The following PCDHA1 variants were observed in gnomAD, a reference collection of about 807,000 sequenced individuals.
The protein encoded by PCDHA1 is protocadherin alpha-1.
A neutral mutation model predicts 61.3 loss-of-function variants in PCDHA1; 42 were observed. The ratio of observed to expected loss-of-function variants is 0.69; its 90% CI spans 0.54 to 0.89. The LOEUF is 0.89. PCDHA1 is among the 40% of genes least tolerant of loss of function. The probability of loss-of-function intolerance (pLI) is 0.00; values close to 1 mark genes in which losing one functional copy is unlikely to be tolerated. For missense variants in PCDHA1, 1,256 were observed against 1,235.3 expected, an observed-to-expected ratio of 1.02 and a Z score of -0.25; for synonymous variants, 610 against 553.8, an observed-to-expected ratio of 1.10 and a Z score of -1.43.
At chr5:140,796,253 G>A in intron 1 of PCDHA1, 1 of 1,614,158 alleles carries the variant, frequency 6.2e-7, no homozygotes, top group South Asian at 1.1e-5. Flanking sequence ...GCACGGGACG[G>A]GGGCTCGCCT....
At chr5:140,917,863 G>A (rs182359679) in intron 1 of PCDHA1, among the ~76,000 whole-genome samples, 1 of 151,750 alleles carries the variant, frequency 6.6e-6, no homozygotes, top group East Asian at 1.9e-4. Context: ...GGATTGCTTT[G>A]ACTATTTGGG....
intron 1 of PCDHA1, chr5:140,871,576 G>A (rs1554165757): frequency 4.1e-6 from 6 of 1,475,680 alleles, no homozygotes; most frequent in Non-Finnish European, 5.4e-6. Flanking sequence ...GATTTTTTAA[G>A]GGAAAGTTTT....
chr5:140,833,215 A>G (rs1317399429), intron 1 of PCDHA1, among the ~76,000 whole-genome samples: 1 of 152,200 alleles, frequency 6.6e-6, no homozygotes, highest in Non-Finnish European at 1.5e-5. Context: ...ATAGGAATGG[A>G]CAGGTTACAC....
chr5:140,930,197 C>G (rs1417032734), intron 1 of PCDHA1: 1 of 152,080 alleles, frequency 6.6e-6, no homozygotes, highest in African/African-American at 2.4e-5. Flanking sequence ...ATTTTTATGT[C>G]AGAAATATTT....
rs1768065709 is a variant in PCDHA1, at chr5:140,824,260, AATTC to A, written c.2394+35579_2394+35582del. 3.0e-6 allele frequency: 4 copies of A among 1,322,828 alleles called. No individual in the cohort carries two copies. The African/African-American group carries it at 4.4e-5, about 14-fold the overall frequency. The allele number at this position is 1,322,828 out of a possible 1,614,324, so 81.9% of individuals were successfully genotyped here. On this transcript the variant is annotated intron_variant, in intron 1 of 3. Coordinates refer to ENST00000504120, the MANE Select transcript of PCDHA1 (RefSeq NM_018900.4). The stretch of plus-strand genomic sequence containing the variant: ...TATTGTGGTACACAATTATTGCACT[AATTC>A]ATGTATTATATGCTTTTTATGAGGC...
chr5:140,834,254 G>C, intron 1 of PCDHA1: 2 of 927,248 alleles, frequency 2.2e-6, no homozygotes, highest in Non-Finnish European at 3.3e-6. Context: ...CTGGAAAGAC[G>C]CTCCACTCTC....
intron 1 of PCDHA1, chr5:140,869,639 C>T: frequency 6.2e-7 from 1 of 1,613,534 alleles, no homozygotes; most frequent in Non-Finnish European, 8.5e-7. Context: ...GAGTATTTTT[C>T]TTTAGATTCA....
chr5:140,842,130 A>G (rs2150330073), intron 1 of PCDHA1: 80 of 1,613,774 alleles, frequency 5.0e-5, no homozygotes, highest in Non-Finnish European at 6.6e-5. Context: ...TCTGATCCGG[A>G]TGAAGGAGCC....
At chr5:140,884,247 C>G (rs1554181368) in intron 1 of PCDHA1, 5 of 1,613,398 alleles carry the variant, frequency 3.1e-6, no homozygotes, top group Non-Finnish European at 4.2e-6. Flanking sequence ...CCCGCGCTGA[C>G]GGCCACGGCA....
intron 1 of PCDHA1, among the ~76,000 whole-genome samples, chr5:140,832,359 G>A (rs2150201276): frequency 9.9e-5 from 15 of 152,276 alleles, no homozygotes; most frequent in African/African-American, 3.4e-4. Context: ...TTCCTAATGT[G>A]AGCATTTTCC....
chr5:140,848,973 G>A, intron 1 of PCDHA1: 1 of 1,600,934 alleles, frequency 6.2e-7, no homozygotes, highest in South Asian at 1.1e-5. Context: ...CGCGTCCGAT[G>A]CAGATATCGG....
chr5:140,802,031 G>T, intron 1 of PCDHA1: 2 of 1,614,154 alleles, frequency 1.2e-6, no homozygotes, highest in Non-Finnish European at 1.7e-6. Context: ...AGGATATCGC[G>T]TATTCTTTCA....
At position 141,010,334 on chromosome 5, in the gene PCDHA1, T is replaced by C; in HGVS notation, c.*397T>C. On this transcript the variant is annotated 3_prime_UTR_variant, in exon 4 of 4. Transcript: ENST00000504120. The stretch of plus-strand genomic sequence containing the variant: ...TGAGATTGAGCAGCTTGGGAGTTTG[T>C]GGCCACTGGGTATGTGTGGCTACCG... The C allele has an allele frequency of 2.0e-6, 3 of 1,537,004 alleles. No homozygotes were observed. The East Asian group carries it at 7.4e-5, about 38-fold the overall frequency.
chr5:140,870,657 G>A (rs782619046), intron 1 of PCDHA1: 1 of 1,612,514 alleles, frequency 6.2e-7, no homozygotes, highest in East Asian at 2.2e-5. Context: ...AGGTGTACGC[G>A]CTGCAGCCGT....
intron 1 of PCDHA1, among the ~76,000 whole-genome samples, chr5:140,881,751 A>G (rs974973794): frequency 6.6e-6 from 1 of 152,206 alleles, no homozygotes; most frequent in Non-Finnish European, 1.5e-5. Flanking sequence ...GGACAGTACC[A>G]CAAAAACCTA....
chr5:140,808,363 C>A (rs1562215791), intron 1 of PCDHA1: 1 of 1,614,218 alleles, frequency 6.2e-7, no homozygotes, highest in Non-Finnish European at 8.5e-7. Flanking sequence ...TGACGTCCCA[C>A]GTCCCCTTCA....
At chr5:140,869,811 C>T (rs1554163508) in intron 1 of PCDHA1, 10 of 1,612,246 alleles carry the variant, frequency 6.2e-6, no homozygotes, top group African/African-American at 2.7e-5. Context: ...TGGATGTCAA[C>T]GACAATGATC....
intron 1 of PCDHA1, chr5:140,816,567 T>G (rs1765950610): frequency 6.6e-6 from 1 of 151,966 alleles, no homozygotes; most frequent in African/African-American, 2.4e-5. Flanking sequence ...ATGTTTCCTG[T>G]TTTCTCATAT....
At chr5:140,899,508 T>C (rs1389762615) in intron 1 of PCDHA1, among the ~76,000 whole-genome samples, 4 of 151,990 alleles carry the variant, frequency 2.6e-5, no homozygotes, top group Admixed American at 1.3e-4. Flanking sequence ...GATTTGCATA[T>C]ATTGCATCCC....
Sources: gnomAD v4.1 joint callset for allele counts (sites outside exome capture counted in the v4.1 genomes callset) on GRCh38, gnomAD v4.1.1 for gene constraint, MANE v1.5 for transcripts, NCBI Gene and HGNC (gene_info 2026-07-23, HGNC 2026-07-21) for gene names.